LSM6: variants seen among roughly 807,000 people sequenced by gnomAD.
The protein encoded by LSM6 is U6 snRNA-associated Sm-like protein LSm6.
In LSM6, 2 loss-of-function variants were observed where a neutral mutation model predicts 13.5. The ratio of observed to expected loss-of-function variants is 0.15; its 90% CI spans 0.06 to 0.47. The LOEUF (loss-of-function observed/expected upper bound fraction) is 0.47. Ranked by LOEUF, LSM6 falls within the 20% of genes least tolerant of loss-of-function variation. The probability of loss-of-function intolerance (pLI) is 0.97; values close to 1 mark genes in which losing one functional copy is unlikely to be tolerated. For missense variants in LSM6, 58 were observed against 96.4 expected (o/e 0.60, Z 1.67); for synonymous variants, 43 against 34.9 (o/e 1.23, Z -0.82).
In LSM6 at chr4:146,182,848, G is replaced by C. The variant is rs1389375516; in HGVS notation, c.-10-64G>C. The stretch of plus-strand genomic sequence containing the variant: ...CTGTAAGTATGTTAAGGGCTTTAAG[G>C]GTTTTGTTGAATAATCAACTTTGGT... On this transcript the variant is annotated intron_variant, in intron 1 of 3. Transcript: ENST00000296581. 9.6e-6 allele frequency: 9 copies of C among 937,348 alleles called. No individual in the cohort carries two copies. In the East Asian group the frequency reaches 1.9e-4, roughly 20 times the overall value. The allele number at this position is 937,348 out of a possible 1,614,324, so 58.1% of individuals were successfully genotyped here.
intron 3 of LSM6, among the ~76,000 whole-genome samples, chr4:146,188,536 C>T (rs955556336): frequency 1.2e-4 from 18 of 152,200 alleles, no homozygotes; most frequent in Admixed American, 3.3e-4. Context: ...AGGATCTTGA[C>T]TTATTTGATT....
rs755188217 is a variant in LSM6, at chr4:146,187,259, T to A, written c.95-15T>A. On this transcript the variant is annotated splice_polypyrimidine_tract_variant and intron_variant, in intron 2 of 3. Transcript: ENST00000296581. ...TTGCCTTGTGTATCTTCTTTTTGAC[T>A]AAATATGTCTGCAGGGGTCCTGGCT... 1 of 1,491,784 alleles carries A rather than the reference T, an allele frequency of 6.7e-7. No individual in the cohort carries two copies. Among genetic ancestry groups the A allele is most frequent in the Non-Finnish European group, 9.3e-7 (1 of 1,070,114 alleles). The allele number at this position is 1,491,784 out of a possible 1,614,324, so 92.4% of individuals were successfully genotyped here.
rs548255915 is a variant in LSM6, at chr4:146,186,080, G to C, written c.95-1194G>C. On this transcript the variant is annotated intron_variant, in intron 2 of 3. Coordinates refer to ENST00000296581, the MANE Select transcript of LSM6 (RefSeq NM_007080.3). ...ATTCTTTTCATTGGTTTTCAAACAG[G>C]TTTGCATATTGTGCCTCAGATTTTT... 2.0e-5 allele frequency among the ~76,000 whole-genome samples: 3 copies of C among 152,270 alleles called. No individual in the cohort carries two copies. The South Asian group carries it at 6.2e-4, about 32-fold the overall frequency.
intron 3 of LSM6, among the ~76,000 whole-genome samples, chr4:146,187,712 A>C (rs4835289): frequency 0.94 from 143,122 of 152,240 alleles, 67,356 homozygotes; most frequent in East Asian, 1. Flanking sequence ...GAAGTTGGAG[A>C]TGTAAGAATG....
intron 3 of LSM6, among the ~76,000 whole-genome samples, chr4:146,189,116 AG>A (rs1018756388): frequency 2.6e-5 from 4 of 151,818 alleles, no homozygotes; most frequent in African/African-American, 9.7e-5. Flanking sequence ...CAGCGTTCTA[AG>A]TCGCTGGGAC....
rs978626821 is a variant in LSM6, at chr4:146,178,244, C to T, written c.-11+2433C>T. On this transcript the variant is annotated intron_variant, in intron 1 of 3. Transcript: ENST00000296581. Reference sequence around the variant, plus strand: ...GACACCAAGTGAGTAAGATATTTTCCCTGTCCCCAAGAAGCTTTAAATTCG... The same window carrying T: ...GACACCAAGTGAGTAAGATATTTTCTCTGTCCCCAAGAAGCTTTAAATTCG... Among the ~76,000 whole-genome samples the T allele has an allele frequency of 3.9e-5, 6 of 152,128 alleles. No homozygotes were observed. In the East Asian group the frequency reaches 1.2e-3, roughly 29 times the overall value.
In LSM6 at chr4:146,182,916, G is replaced by A. The variant is rs1218628283; in HGVS notation, c.-6G>A. 6.3e-7 allele frequency: 1 copy of A among 1,585,526 alleles called. No homozygotes were observed. Among genetic ancestry groups the A allele is most frequent in the Non-Finnish European group, 8.7e-7 (1 of 1,154,176 alleles). On this transcript the variant is annotated 5_prime_UTR_variant, in exon 2 of 4. Transcript: ENST00000296581. ...CCTTTTCATATTTTGATTTAGGATT[G>A]TTAAAATGAGTCTTCGGAAGCAAAC... is the stretch of plus-strand genomic sequence containing the variant.
intron 2 of LSM6, chr4:146,183,289 A>G: frequency 3.1e-6 from 1 of 324,272 alleles, no homozygotes; most frequent in Admixed American, 4.4e-5. Flanking sequence ...CCCTGGTAAT[A>G]GCTAGGTATT....
In LSM6 at chr4:146,191,171, C is replaced by G. The variant is rs1365446228; in HGVS notation, c.*1515C>G. The G allele has an allele frequency of 3.3e-5, 5 of 152,290 alleles. No individual in the cohort carries two copies. In the East Asian group the frequency reaches 9.6e-4, roughly 29 times the overall value. 9.4% of individuals were successfully genotyped at this position (152,290 alleles called of 1,614,324 possible). The stretch of plus-strand genomic sequence containing the variant: ...TGTAAGTACAAATCACCAATTTGCT[C>G]TTTTATAAATGAGTTCTTTTAAGGA... On this transcript the variant is annotated 3_prime_UTR_variant, in exon 4 of 4. Coordinates refer to ENST00000296581, the MANE Select transcript of LSM6 (RefSeq NM_007080.3).
chr4:146,183,336 AC>A (rs899093472), intron 2 of LSM6: 78 of 247,822 alleles, frequency 3.1e-4, no homozygotes, highest in African/African-American at 1.7e-3. Context: ...CAACTGAAGA[AC>A]ATCTTGGTGC....
At chr4:146,185,906 T>G (rs1174889784) in intron 2 of LSM6, among the ~76,000 whole-genome samples, 1 of 151,984 alleles carries the variant, frequency 6.6e-6, no homozygotes, top group African/African-American at 2.4e-5. Context: ...CTGGCTAATT[T>G]TTGTATTTTT....
chr4:146,182,552 A>G (rs540487742), intron 1 of LSM6, among the ~76,000 whole-genome samples: 1 of 152,302 alleles, frequency 6.6e-6, no homozygotes, highest in East Asian at 1.9e-4. Flanking sequence ...ATAACCAACC[A>G]CTCACTGAAT....
At chr4:146,189,278 C>T (rs913824514) in intron 3 of LSM6, among the ~76,000 whole-genome samples, 2 of 152,186 alleles carry the variant, frequency 1.3e-5, no homozygotes, top group African/African-American at 2.4e-5. Context: ...CAGGCGTGAG[C>T]CACCGTGTTC....
chr4:146,189,837 TGTAA>T lies in LSM6; in HGVS notation c.*184_*187del. On this transcript the variant is annotated 3_prime_UTR_variant, in exon 4 of 4. Coordinates refer to ENST00000296581, the MANE Select transcript of LSM6 (RefSeq NM_007080.3). ...TTTAATTGTGAAATGTTCTTTCACT[TGTAA>T]GTTTCAGTCATTTTCTTTTACCTCG... 1.9e-6 allele frequency: 1 copy of T among 532,002 alleles called. No homozygotes were observed. Among genetic ancestry groups the T allele is most frequent in the East Asian group, 3.2e-5 (1 of 30,924 alleles). 33.0% of individuals were successfully genotyped at this position (532,002 alleles called of 1,614,324 possible).
At chr4:146,188,435 T>C (rs1578682661) in intron 3 of LSM6, among the ~76,000 whole-genome samples, 1 of 152,258 alleles carries the variant, frequency 6.6e-6, no homozygotes, top group South Asian at 2.1e-4. Flanking sequence ...TGTACTGGCA[T>C]TCTGATGCTT....
At chr4:146,181,897 G>A (rs1730241042) in intron 1 of LSM6, among the ~76,000 whole-genome samples, 1 of 152,278 alleles carries the variant, frequency 6.6e-6, no homozygotes, top group East Asian at 1.9e-4. Flanking sequence ...GTGATGTGCA[G>A]CTTTGCATGT....
chr4:146,189,663 C>G lies in LSM6; in HGVS notation c.*7C>G. ...ACAGAAGAGACGGATGTGAAGACAC[C>G]AAGAGAGCAACGCTTTTCATAGTTG... On this transcript the variant is annotated 3_prime_UTR_variant, in exon 4 of 4. Transcript: ENST00000296581. 6.3e-7 allele frequency: 1 copy of G among 1,594,554 alleles called. No individual in the cohort carries two copies. The highest frequency in any genetic ancestry group is 8.6e-7 in the Non-Finnish European group (1 of 1,169,286).
At chr4:146,176,314 C>T (rs1012865148) in intron 1 of LSM6, 11 of 152,282 alleles carry the variant, frequency 7.2e-5, no homozygotes, top group Admixed American at 5.9e-4. Context: ...GAATTAAAGG[C>T]TGGACTCGCC....
In LSM6 at chr4:146,189,781, TGTGA is replaced by T. The variant is rs1267198139; in HGVS notation, c.*128_*131del. 2.4e-5 allele frequency: 16 copies of T among 659,150 alleles called. No homozygotes were observed. Among genetic ancestry groups the T allele is most frequent in the Middle Eastern group, 3.6e-4 (1 of 2,800 alleles). 40.8% of individuals were successfully genotyped at this position (659,150 alleles called of 1,614,324 possible). ...AATAGTTGGTGATTTTTCACTGACA[TGTGA>T]GTAAGATAAATGTATACAATTGTGG... On this transcript the variant is annotated 3_prime_UTR_variant, in exon 4 of 4. Transcript: ENST00000296581.
Sources: gnomAD v4.1 joint callset for allele counts (sites outside exome capture counted in the v4.1 genomes callset) on GRCh38, gnomAD v4.1.1 for gene constraint, MANE v1.5 for transcripts, NCBI Gene and HGNC (gene_info 2026-07-23, HGNC 2026-07-21) for gene names.